Variants in ULK1 observed in about 807,000 individuals in gnomAD.
ULK1 encodes the protein serine/threonine-protein kinase ULK1.
A neutral mutation model predicts 117.5 loss-of-function variants in ULK1; 48 were observed. That is an observed-to-expected ratio of 0.41 (90% CI 0.32 to 0.52). ULK1 has a LOEUF of 0.52. Among genes scored for constraint, ULK1 ranks in the 20% least tolerant of loss-of-function variants. The probability of loss-of-function intolerance (pLI) is 0.29; values close to 1 mark genes in which losing one functional copy is unlikely to be tolerated. For missense variants in ULK1, 1,387 were observed against 1,473.4 expected, an observed-to-expected ratio of 0.94 and a Z score of 0.96; for synonymous variants, 790 against 637.8, an observed-to-expected ratio of 1.24 and a Z score of -3.60.
At chr12:131,900,454 G>A (rs940141939) in intron 3 of ULK1, among the ~76,000 whole-genome samples, 5 of 152,214 alleles carry the variant, frequency 3.3e-5, no homozygotes, top group African/African-American at 9.6e-5. Context: ...GCTGGGAGGC[G>A]GCTGGAGCAC....
intron 10 of ULK1, 100 bp downstream of exon 10, chr12:131,910,101 C>A: frequency 6.4e-7 from 1 of 1,561,370 alleles, no homozygotes; most frequent in Non-Finnish European, 8.8e-7. Context: ...GCCCCATGTG[C>A]ACACTGCCCT....
chr12:131,919,895 C>T, intron 25 of ULK1, 84 bp from the exon 26 acceptor site: 2 of 1,539,148 alleles, frequency 1.3e-6, no homozygotes, highest in Non-Finnish European at 1.8e-6. Flanking sequence ...GACGTGCTCG[C>T]TCAGTGCACC....
chr12:131,919,950 C>A (rs765541671), intron 25 of ULK1, 29 bp from the exon 26 acceptor site: 1 of 1,606,244 alleles, frequency 6.2e-7, no homozygotes. Context: ...TCTGCTGCAC[C>A]CTGAGCTGAC....
chr12:131,910,187 G>C (rs1392271336), intron 10 of ULK1, 67 bp from the exon 11 acceptor site: 2 of 1,600,280 alleles, frequency 1.2e-6, no homozygotes, highest in Admixed American at 3.3e-5. Flanking sequence ...CTCAGGCCGT[G>C]GGGAGGCAGG....
rs1240501981 is a variant in ULK1 at position 131,895,126 on chromosome 12, C to G, written c.111+14C>G. 2.6e-6 allele frequency: 4 copies of G among 1,514,816 alleles called. No homozygotes were observed. The highest frequency in any genetic ancestry group is 3.5e-6 in the Non-Finnish European group (4 of 1,137,432). The allele number at this position is 1,514,816 out of a possible 1,614,324, so 93.8% of individuals were successfully genotyped here. A position where few individuals can be genotyped will look rare whatever the true frequency, so the allele number is the denominator to read the frequency against. On this transcript the variant is annotated intron_variant, in intron 1 of 27. Coordinates refer to ENST00000321867, the MANE Select transcript of ULK1 (RefSeq NM_003565.4). ...CGCCACCGCGAGGTGAGGCCCCCGT[C>G]CGGCCCGGGATCCCCCGCCCAGGAT... is the stretch of plus-strand genomic sequence containing the variant.
chr12:131,910,340 C>T (rs1315712081), intron 11 of ULK1, 36 bp downstream of exon 11: 1 of 1,611,982 alleles, frequency 6.2e-7, no homozygotes, highest in South Asian at 1.1e-5. Flanking sequence ...CCGCATGGGC[C>T]CTGCATGCAC....
rs1889846040 is a variant in ULK1, at chr12:131,917,122, G to GCTC, written c.2182+60_2182+61insCTC. 55 of 1,046,822 alleles carry GCTC rather than the reference G, an allele frequency of 5.3e-5. 11 individuals carry two copies. Among genetic ancestry groups the GCTC allele is most frequent in the Middle Eastern group, 6.6e-4 (2 of 3,044 alleles). 64.8% of individuals were successfully genotyped at this position (1,046,822 alleles called of 1,614,324 possible). A position where few individuals can be genotyped will look rare whatever the true frequency, so the allele number is the denominator to read the frequency against. On this transcript the variant is annotated intron_variant, in intron 21 of 27. Transcript: ENST00000321867. Reference sequence around the variant, plus strand: ...TGGGGGTCGGAGGCTGTGGGATGGGGGTCGGAGGCTGTGGGATGGGGGTCG... The same window carrying GCTC: ...TGGGGGTCGGAGGCTGTGGGATGGGGCTCGTCGGAGGCTGTGGGATGGGGGTCG...
intron 4 of ULK1, 142 bp downstream of exon 4, chr12:131,907,066 G>A (rs1889305939): frequency 8.6e-7 from 1 of 1,169,446 alleles, no homozygotes; most frequent in African/African-American, 1.5e-5. Context: ...GCCCAGGCTG[G>A]AGTGCAGTGC....
At chr12:131,909,081 C>T in intron 7 of ULK1, 55 bp from the exon 8 acceptor site, 1 of 1,604,510 alleles carries the variant, frequency 6.2e-7, no homozygotes, top group Non-Finnish European at 8.5e-7. Flanking sequence ...CTGGCGGGCA[C>T]CTTCTGTGGT....
chr12:131,909,947 C>T lies in ULK1; in HGVS notation c.754C>T (p.Arg252Trp), dbSNP rs1372824316. ...CCCCCGGGAGACCTCGGCCCCGCTG[C>T]GGCAGCTGCTCCTGGCCCTACTGCA... is the stretch of plus-strand genomic sequence containing the variant. ...TIPRETSAPL[R>W]QLLLALLQRN... The change falls in exon 10 of 28, where the codon CGG (arginine) becomes TGG (tryptophan). Residue 252 changes from arginine to tryptophan, a missense_variant. Arg to Trp is a moderately radical substitution (Grantham distance 101). Coordinates refer to ENST00000321867, the MANE Select transcript of ULK1 (RefSeq NM_003565.4). The T allele has an allele frequency of 1.2e-6, 2 of 1,611,980 alleles. No homozygotes were observed. Among genetic ancestry groups the T allele is most frequent in the African/African-American group, 2.7e-5 (2 of 75,046 alleles).
At chr12:131,915,533 C>G (rs573672335) in intron 18 of ULK1, 112 bp downstream of exon 18, 3 of 1,344,670 alleles carry the variant, frequency 2.2e-6, no homozygotes, top group African/African-American at 2.9e-5. Context: ...GGGAAGGAAG[C>G]TGGTGGAACA....
intron 3 of ULK1, among the ~76,000 whole-genome samples, chr12:131,905,483 C>T (rs563433913): frequency 6.6e-6 from 1 of 152,298 alleles, no homozygotes; most frequent in East Asian, 1.9e-4. Context: ...AGAGCCTGGG[C>T]TCGCTCAGGG....
chr12:131,914,593 G>T, intron 16 of ULK1, 116 bp downstream of exon 16: 1 of 1,355,306 alleles, frequency 7.4e-7, no homozygotes, highest in Non-Finnish European at 9.9e-7. Context: ...TGCAGGCTGC[G>T]CACTGCGTAA....
chr12:131,918,237 C>A (rs544556720), intron 22 of ULK1: 318 of 554,004 alleles, frequency 5.7e-4, no homozygotes, highest in Non-Finnish European at 8.7e-4. Flanking sequence ...GTCGGGATAC[C>A]CAGAGGGTCC....
chr12:131,917,682 AGCTCAGGCCCCTGAGAAACCCCT>A (rs1889924789), intron 22 of ULK1, 128 bp downstream of exon 22: 1 of 973,240 alleles, frequency 1.0e-6, no homozygotes, highest in African/African-American at 1.7e-5. Context: ...CTGAGGAAGC[AGCTCAGGCCCCTGAGAAACCCCT>A]GCTCTGTCTC....
At chr12:131,906,121 TCTCA>T (rs1889264008) in intron 3 of ULK1, among the ~76,000 whole-genome samples, 1 of 150,852 alleles carries the variant, frequency 6.6e-6, no homozygotes, top group African/African-American at 2.4e-5. Context: ...TGAGATGGAG[TCTCA>T]CTCTCTCGCC....
intron 3 of ULK1, 114 bp downstream of exon 3, chr12:131,895,938 G>A: frequency 6.6e-6 from 9 of 1,367,154 alleles, no homozygotes; most frequent in Admixed American, 3.5e-5. Context: ...GGTCTACTGG[G>A]CCCCTGGAGA....
chr12:131,921,612 G>A lies in ULK1; in HGVS notation c.*251G>A, dbSNP rs915054680. The A allele has an allele frequency of 7.9e-6, 5 of 636,184 alleles. No homozygotes were observed. The highest frequency in any genetic ancestry group is 1.4e-5 in the Non-Finnish European group (5 of 366,806). 39.4% of individuals were successfully genotyped at this position (636,184 alleles called of 1,614,324 possible). Reference sequence around the variant, plus strand: ...GGATCACAGAATTTCTGCCCCTCCAGCTGCCTGGCTCAGCAGGCGTGGGTG... The same window carrying A: ...GGATCACAGAATTTCTGCCCCTCCAACTGCCTGGCTCAGCAGGCGTGGGTG... On this transcript the variant is annotated 3_prime_UTR_variant, in exon 28 of 28. Transcript: ENST00000321867.
intron 14 of ULK1, 77 bp downstream of exon 14, chr12:131,913,335 T>C (rs1593269309): frequency 1.4e-6 from 2 of 1,395,314 alleles, no homozygotes; most frequent in East Asian, 5.5e-5. Context: ...TTATTTACAA[T>C]GAGCCGAGAT....
Sources: allele counts gnomAD v4.1 joint callset (sites outside exome capture counted in the v4.1 genomes callset), GRCh38; gene constraint gnomAD v4.1.1; transcripts MANE v1.5; gene names NCBI Gene and HGNC (gene_info 2026-07-23, HGNC 2026-07-21).